Variants in WDR47 observed in about 807,000 individuals in gnomAD.
The protein encoded by WDR47 is WD repeat domain 47, also known as WD repeat-containing protein 47.
A neutral mutation model predicts 97.2 loss-of-function variants in WDR47; 32 were observed. That is an observed-to-expected ratio of 0.33 (90% CI 0.25 to 0.44). The LOEUF (loss-of-function observed/expected upper bound fraction) is 0.44, where lower values mean the gene tolerates loss of function less well. WDR47 is among the 20% of genes least tolerant of loss of function. The pLI is 1.00. For missense variants in WDR47, 782 were observed against 1,102.3 expected (o/e 0.71, Z 4.11); for synonymous variants, 375 against 373.5 (o/e 1.00, Z -0.05).
At chr1:108,989,823 T>C (rs1193676874) in intron 9 of WDR47, among the ~76,000 whole-genome samples, 2 of 152,022 alleles carry the variant, frequency 1.3e-5, no homozygotes, top group South Asian at 2.1e-4. Context: ...GCCTCCCAAG[T>C]AGCTGGGATT....
intron 1 of WDR47, among the ~76,000 whole-genome samples, chr1:109,026,540 G>A (rs1252221094): frequency 1.3e-5 from 2 of 152,062 alleles, no homozygotes; most frequent in South Asian, 4.1e-4. Context: ...TGTGCCCAGA[G>A]TAGCCCTTCA....
At chr1:108,985,675 C>T (rs747780308) in intron 10 of WDR47, among the ~76,000 whole-genome samples, 10 of 152,122 alleles carry the variant, frequency 6.6e-5, no homozygotes, top group Non-Finnish European at 1.3e-4. Flanking sequence ...AGTTTCTTCA[C>T]AGCCTATGAA....
intron 1 of WDR47, among the ~76,000 whole-genome samples, chr1:109,025,653 G>C (rs1411453433): frequency 1.3e-5 from 2 of 151,778 alleles, no homozygotes; most frequent in Non-Finnish European, 2.9e-5. Flanking sequence ...AGAATTGCTT[G>C]AACCCAGGAG....
chr1:108,990,395 G>A (rs1310075999), intron 9 of WDR47, among the ~76,000 whole-genome samples: 1 of 152,014 alleles, frequency 6.6e-6, no homozygotes, highest in African/African-American at 2.4e-5. Context: ...TTTTAGTAGA[G>A]ACGGGGTTTT....
intron 1 of WDR47, among the ~76,000 whole-genome samples, chr1:109,037,353 A>C (rs1423201467): frequency 6.6e-6 from 1 of 150,600 alleles, no homozygotes; most frequent in Non-Finnish European, 1.5e-5. Context: ...AAAAAACAAA[A>C]CAAGACTGGG....
intron 13 of WDR47, among the ~76,000 whole-genome samples, chr1:108,979,054 T>G (rs373034351): frequency 7.9e-5 from 12 of 152,242 alleles, no homozygotes; most frequent in African/African-American, 2.9e-4. Context: ...TGTTTGTATG[T>G]GCATGATAGA....
chr1:109,008,559 G>T (rs1343266129), intron 5 of WDR47, among the ~76,000 whole-genome samples: 2 of 142,912 alleles, frequency 1.4e-5, no homozygotes, highest in Non-Finnish European at 3.1e-5. Flanking sequence ...CATCGCGCCG[G>T]GCCTCATCCT....
rs1369463137 is a variant in WDR47, at chr1:109,002,381, A to G, written c.1276T>C (p.Phe426Leu). The part of the protein sequence containing the change: ...KNELRDSTEQ[F>L]QEYYRQRLRY... ...AATCTTTGCCTATAATATTCTTGAAATTGTTCTGTTGAATCTCGAAGCTTA... is the reference window on the plus strand; with the variant it reads ...AATCTTTGCCTATAATATTCTTGAAGTTGTTCTGTTGAATCTCGAAGCTTA... The change falls in exon 7 of 15, where the codon TTT becomes CTT. Residue 426 changes from phenylalanine to leucine, a missense_variant. Phe to Leu is a conservative substitution (Grantham distance 22, BLOSUM62 0). Coordinates refer to ENST00000369962, the MANE Select transcript of WDR47 (RefSeq NM_001142551.2). 1 of 1,605,162 alleles carries G rather than the reference A, an allele frequency of 6.2e-7. No homozygotes were observed. Among genetic ancestry groups the G allele is most frequent in the African/African-American group, 1.3e-5 (1 of 74,822 alleles).
chr1:108,979,351 A>C (rs1244900195), intron 13 of WDR47, among the ~76,000 whole-genome samples: 1 of 152,174 alleles, frequency 6.6e-6, no homozygotes, highest in Non-Finnish European at 1.5e-5. Flanking sequence ...GAGCTAACCA[A>C]AATTGATATA....
Position 109,011,601 on chromosome 1 carries a change from G to A in WDR47, c.445C>T (p.His149Tyr). Reference protein sequence around the residue: ...LLLTLPRLTNHAEFKDWNPST... With the variant: ...LLLTLPRLTNYAEFKDWNPST... ...GGATTCCAGTCCTTAAACTCGGCAT[G>A]ATTGGTCAGACGAGGCAAAGTCAAA... Residue 149 changes from histidine to tyrosine, a missense_variant, in exon 5 of 15, where the codon CAT (histidine) becomes TAT (tyrosine). Coordinates refer to ENST00000369962, the MANE Select transcript of WDR47 (RefSeq NM_001142551.2). The A allele has an allele frequency of 6.2e-7, 1 of 1,614,166 alleles. No homozygotes were observed. The highest frequency in any genetic ancestry group is 8.5e-7 in the Non-Finnish European group (1 of 1,180,042).
intron 10 of WDR47, among the ~76,000 whole-genome samples, chr1:108,985,991 A>T (rs1658767540): frequency 6.6e-6 from 1 of 151,878 alleles, no homozygotes. Context: ...AAAAAAAAAA[A>T]ATGCAAATAA....
Position 109,007,463 on chromosome 1 carries a change from A to G in WDR47, c.1131-2748T>C, listed in dbSNP as rs911450067. Among the ~76,000 whole-genome samples, 6 of 152,240 alleles carry G rather than the reference A, an allele frequency of 3.9e-5. No individual in the cohort carries two copies. In the East Asian group the frequency reaches 9.6e-4, roughly 24 times the overall value. ...GGTGTGAATCACCATACCAGTCCCA[A>G]TATTTTTAAAATTACATCTAAAATA... On this transcript the variant is annotated intron_variant, in intron 5 of 14. Coordinates refer to ENST00000369962, the MANE Select transcript of WDR47 (RefSeq NM_001142551.2).
intron 7 of WDR47, among the ~76,000 whole-genome samples, chr1:108,999,184 G>A (rs1023133700): frequency 6.6e-6 from 1 of 150,464 alleles, no homozygotes; most frequent in African/African-American, 2.4e-5. Context: ...CTGAGATCGC[G>A]CCACTGCACT....
At chr1:108,982,481 G>T in intron 12 of WDR47, 128 bp downstream of exon 12, 1 of 1,123,144 alleles carries the variant, frequency 8.9e-7, no homozygotes, top group Non-Finnish European at 1.2e-6. Flanking sequence ...GCAGTGAGCT[G>T]TGATTGTGCC....
intron 2 of WDR47, among the ~76,000 whole-genome samples, chr1:109,019,933 T>C (rs1661697841): frequency 6.6e-6 from 1 of 152,140 alleles, no homozygotes; most frequent in African/African-American, 2.4e-5. Flanking sequence ...ATTAACAATA[T>C]GCTGCAAAGA....
chr1:108,988,147 A>C (rs1332108518), intron 9 of WDR47, among the ~76,000 whole-genome samples: 2 of 118,402 alleles, frequency 1.7e-5, no homozygotes. Flanking sequence ...TGGGAGGCTG[A>C]GGTGGGAGGA....
chr1:109,002,156 G>A, intron 7 of WDR47, 68 bp downstream of exon 7: 3 of 1,426,800 alleles, frequency 2.1e-6, no homozygotes, highest in Non-Finnish European at 1.9e-6. Flanking sequence ...ATAGAAAGTA[G>A]CAGTTATTGC....
chr1:109,002,373 T>C lies in WDR47; in HGVS notation c.1284A>G (p.Glu428=). Residue 428 remains glutamate, a synonymous_variant, in exon 7 of 15, where the codon GAA becomes GAG. Transcript: ENST00000369962. ...ELRDSTEQFQ[E]YYRQRLRYQQ... ...GATAGCGTAATCTTTGCCTATAATATTCTTGAAATTGTTCTGTTGAATCTC... is the reference window on the plus strand; with the variant it reads ...GATAGCGTAATCTTTGCCTATAATACTCTTGAAATTGTTCTGTTGAATCTC... 2 of 1,607,314 alleles carry C rather than the reference T, an allele frequency of 1.2e-6. No individual in the cohort carries two copies. Among genetic ancestry groups the C allele is most frequent in the Non-Finnish European group, 1.7e-6 (2 of 1,178,432 alleles).
At chr1:109,001,723 CTACAAAAAAAA>C (rs1183998882) in intron 7 of WDR47, among the ~76,000 whole-genome samples, 1 of 151,964 alleles carries the variant, frequency 6.6e-6, no homozygotes, top group African/African-American at 2.4e-5. Context: ...AACCCTATCT[CTACAAAAAAAA>C]TACAAAAATT....
Sources: allele counts gnomAD v4.1 joint callset (sites outside exome capture counted in the v4.1 genomes callset), GRCh38; gene constraint gnomAD v4.1.1; transcripts MANE v1.5; gene names NCBI Gene and HGNC (gene_info 2026-07-23, HGNC 2026-07-21).